The following THOC7 variants were observed in gnomAD, a reference collection of about 807,000 sequenced individuals.
The protein encoded by THOC7 is THO complex subunit 7.
THOC7 carries 22 observed loss-of-function variants against 33.1 expected under a neutral mutation model. That is an observed-to-expected ratio of 0.66 (90% CI 0.47 to 0.95). THOC7 has a LOEUF of 0.95. Among genes scored for constraint, THOC7 ranks in the 40% least tolerant of loss-of-function variants. THOC7 has a pLI of 0.00. For missense variants in THOC7, 184 were observed against 245.3 expected, an observed-to-expected ratio of 0.75 and a Z score of 1.67; for synonymous variants, 77 against 76.8, an observed-to-expected ratio of 1.00 and a Z score of -0.01.
At chr3:63,853,081 G>T (rs1363471984) in intron 1 of THOC7, among the ~76,000 whole-genome samples, 4 of 151,562 alleles carry the variant, frequency 2.6e-5, no homozygotes, top group Non-Finnish European at 4.4e-5. Context: ...AATCCAGGAG[G>T]TGGAGTTTGC....
At chr3:63,854,073 A>G (rs1448615744) in intron 1 of THOC7, among the ~76,000 whole-genome samples, 2 of 152,138 alleles carry the variant, frequency 1.3e-5, no homozygotes, top group African/African-American at 4.8e-5. Context: ...TTCTGTCTCA[A>G]ATTTACTGGG....
upstream of THOC7, among the ~76,000 whole-genome samples, chr3:63,864,171 G>A (rs1475771939): frequency 1.3e-5 from 2 of 150,108 alleles, no homozygotes; most frequent in African/African-American, 2.4e-5. Flanking sequence ...GAGCTCGCCC[G>A]GACGCCGCCA....
chr3:63,841,257 A>G (rs72888300), intron 1 of THOC7, among the ~76,000 whole-genome samples: 6,214 of 152,282 alleles, frequency 0.041, 297 homozygotes, highest in African/African-American at 0.11. Flanking sequence ...TTCAGAGACT[A>G]TCCTTGGACA....
chr3:63,846,166 T>C, intron 1 of THOC7: 1 of 441,252 alleles, frequency 2.3e-6, no homozygotes, highest in Non-Finnish European at 4.5e-6. Context: ...CCTGAATATT[T>C]ACAATCTACT....
chr3:63,852,622 T>C (rs1043699002), intron 1 of THOC7, among the ~76,000 whole-genome samples: 1 of 152,176 alleles, frequency 6.6e-6, no homozygotes, highest in Middle Eastern at 3.4e-3. Flanking sequence ...GACCCAAAGA[T>C]ATACAAGCAG....
Position 63,839,671 on chromosome 3 carries a change from C to A in THOC7, c.122G>T (p.Gly41Val). The change falls in exon 2 of 8, where the codon GGG (glycine) becomes GTG (valine). Residue 41 changes from glycine to valine, a missense_variant. Gly to Val is a moderately radical substitution (Grantham distance 109). Coordinates refer to ENST00000295899, the MANE Select transcript of THOC7 (RefSeq NM_025075.4). ...VKSFIKWCNS[G>V]SQEEGYSQYQ... Reference sequence around the variant, plus strand: ...AATGAAATACCCCTCTTCCTGGGACCCAGAGTTGCACCATTTAATGAAACT... The same window carrying A: ...AATGAAATACCCCTCTTCCTGGGACACAGAGTTGCACCATTTAATGAAACT... 2 of 1,611,852 alleles carry A rather than the reference C, an allele frequency of 1.2e-6. No individual in the cohort carries two copies. The highest frequency in any genetic ancestry group is 1.7e-6 in the Non-Finnish European group (2 of 1,179,660).
At chr3:63,841,366 G>T (rs1046404237) in intron 1 of THOC7, among the ~76,000 whole-genome samples, 1 of 152,104 alleles carries the variant, frequency 6.6e-6, no homozygotes, top group Non-Finnish European at 1.5e-5. Context: ...GTAGAATTTG[G>T]GGGGTTTTCT....
intron 1 of THOC7, among the ~76,000 whole-genome samples, chr3:63,858,651 TTTAAA>T (rs776038753): frequency 6.6e-6 from 1 of 152,334 alleles, no homozygotes; most frequent in African/African-American, 2.4e-5. Flanking sequence ...TTTAGCATCC[TTTAAA>T]TTAACACATA....
intron 3 of THOC7, 34 bp downstream of exon 3, chr3:63,838,338 T>TA (rs1701676820): frequency 7.3e-7 from 1 of 1,368,082 alleles, no homozygotes; most frequent in Admixed American, 2.3e-5. Flanking sequence ...CCATAAAAAA[T>TA]AAAATTACAG....
intron 4 of THOC7, among the ~76,000 whole-genome samples, chr3:63,837,059 T>C (rs765408311): frequency 6.6e-6 from 1 of 151,808 alleles, no homozygotes; most frequent in Non-Finnish European, 1.5e-5. Context: ...AAAAAAAAAC[T>C]TGTAAAAAGA....
chr3:63,835,176 A>G lies in THOC7; in HGVS notation c.525T>C (p.His175=). ...KQFHVLLSTI[H]ELQQTLENDE... is the part of the protein sequence containing the mutation. Reference sequence around the variant, plus strand: ...TACTTTCCAATGTTTGCTGAAGTTCATGGATGGTACTAAGAAGAACATGAA... The same window carrying G: ...TACTTTCCAATGTTTGCTGAAGTTCGTGGATGGTACTAAGAAGAACATGAA... Residue 175 remains histidine (H), a synonymous_variant, in exon 7 of 8, where the codon CAT becomes CAC. Transcript: ENST00000295899. 2 of 1,613,568 alleles carry G rather than the reference A, an allele frequency of 1.2e-6. No homozygotes were observed. The highest frequency in any genetic ancestry group is 1.7e-6 in the Non-Finnish European group (2 of 1,179,790).
At chr3:63,843,858 G>A (rs1473292833) in intron 1 of THOC7, among the ~76,000 whole-genome samples, 5 of 151,758 alleles carry the variant, frequency 3.3e-5, no homozygotes, top group African/African-American at 4.8e-5. Context: ...CCGAGATCAC[G>A]CCACTGCACT....
intron 1 of THOC7, among the ~76,000 whole-genome samples, chr3:63,844,762 T>C (rs1406849395): frequency 6.6e-6 from 1 of 152,200 alleles, no homozygotes; most frequent in Non-Finnish European, 1.5e-5. Flanking sequence ...AAGAAGACCC[T>C]CACCAGATTT....
chr3:63,845,526 C>G (rs964229530), intron 1 of THOC7, among the ~76,000 whole-genome samples: 1 of 152,130 alleles, frequency 6.6e-6, no homozygotes, highest in Non-Finnish European at 1.5e-5. Context: ...TAAAGGTAAC[C>G]AACGGCAGTC....
intron 1 of THOC7, among the ~76,000 whole-genome samples, chr3:63,852,932 C>G (rs2107155520): frequency 6.6e-6 from 1 of 152,220 alleles, no homozygotes; most frequent in Non-Finnish European, 1.5e-5. Context: ...GGGCAGATCA[C>G]TTGAGGTCAG....
rs1262665647 is a variant in THOC7 at position 63,836,261 on chromosome 3, A to G, written c.410+40T>C. 2.5e-6 allele frequency: 4 copies of G among 1,587,398 alleles called. No individual in the cohort carries two copies. The South Asian group carries it at 3.5e-5, about 14-fold the overall frequency. On this transcript the variant is annotated intron_variant, in intron 5 of 7. Coordinates refer to ENST00000295899, the MANE Select transcript of THOC7 (RefSeq NM_025075.4). Reference sequence around the variant, plus strand: ...TACGGTAGTTTTCGAGCATTTATGTATAAAGGTTAGTTCCTTTCAAAGTAA... The same window carrying G: ...TACGGTAGTTTTCGAGCATTTATGTGTAAAGGTTAGTTCCTTTCAAAGTAA...
intron 5 of THOC7, among the ~76,000 whole-genome samples, chr3:63,835,800 TCAGGCAA>T (rs1214841789): frequency 6.6e-6 from 1 of 152,094 alleles, no homozygotes; most frequent in Non-Finnish European, 1.5e-5. Flanking sequence ...TACCTCCCAC[TCAGGCAA>T]CTACTATATC....
intron 1 of THOC7, among the ~76,000 whole-genome samples, chr3:63,842,326 G>A (rs1701779986): frequency 6.6e-6 from 1 of 152,162 alleles, no homozygotes; most frequent in South Asian, 2.1e-4. Context: ...GTGTTGGTGA[G>A]GATGTGGAGA....
At chr3:63,863,484 C>G in intron 1 of THOC7, 1 of 1,171,614 alleles carries the variant, frequency 8.5e-7, no homozygotes, top group Non-Finnish European at 1.1e-6. Flanking sequence ...CCCAGCCCAC[C>G]GACCACGCTC....
Sources: allele counts gnomAD v4.1 joint callset (sites outside exome capture counted in the v4.1 genomes callset), GRCh38; gene constraint gnomAD v4.1.1; transcripts MANE v1.5; gene names NCBI Gene and HGNC (gene_info 2026-07-23, HGNC 2026-07-21).